Variants in ARHGEF19 observed in about 807,000 individuals in gnomAD.
ARHGEF19 encodes Rho guanine nucleotide exchange factor (GEF) 19.
ARHGEF19 carries 92 observed loss-of-function variants against 87.6 expected under a neutral mutation model. The ratio of observed to expected loss-of-function variants is 1.05; its 90% CI spans 0.89 to 1.25. ARHGEF19 has a LOEUF of 1.25. ARHGEF19 is among the 50% of genes most tolerant of loss of function. The probability of loss-of-function intolerance (pLI) is 0.00; values close to 1 mark genes in which losing one functional copy is unlikely to be tolerated. For synonymous variants in ARHGEF19, 438 were observed against 446.2 expected, an observed-to-expected ratio of 0.98 and a Z score of 0.23; for missense variants, 1,054 against 1,051.8, an observed-to-expected ratio of 1.00 and a Z score of -0.03.
At chr1:16,209,188 A>C (rs1216960693) in intron 1 of ARHGEF19, 105 bp from the exon 2 acceptor site, 1 of 732,946 alleles carries the variant, frequency 1.4e-6, no homozygotes, top group African/African-American at 1.8e-5. Context: ...TTGTGTACAC[A>C]CATCTCCACA....
chr1:16,208,237 G>GC lies in ARHGEF19; in HGVS notation c.413-13_413-12insG. The GC allele has an allele frequency of 6.2e-7, 1 of 1,608,464 alleles. No individual in the cohort carries two copies. Among genetic ancestry groups the GC allele is most frequent in the Non-Finnish European group, 8.5e-7 (1 of 1,176,698 alleles). On this transcript the variant is annotated splice_polypyrimidine_tract_variant and intron_variant, in intron 2 of 15. Transcript: ENST00000270747. ...CCGCATCTTGCGCCCTAGGGTTGGG[G>GC]GCAAGGAGTGAGAGCACGGGCTGGG...
In ARHGEF19 at chr1:16,208,840, G is replaced by C. The variant is rs543718685; in HGVS notation, c.215C>G (p.Pro72Arg). The change falls in exon 2 of 16, where the codon CCT (proline) becomes CGT (arginine). Residue 72 changes from proline to arginine, a missense_variant. Coordinates refer to ENST00000270747, the MANE Select transcript of ARHGEF19 (RefSeq NM_153213.5). ...GSRWSLGTPA[P>R]LQGLLWPLSP... ...TAATGGCCATAGCAACCCTTGGAGAGGGGCAGGGGTCCCCAGGGACCAGCG... is the reference window on the plus strand; with the variant it reads ...TAATGGCCATAGCAACCCTTGGAGACGGGCAGGGGTCCCCAGGGACCAGCG... The C allele has an allele frequency of 6.2e-6, 10 of 1,610,928 alleles. No individual in the cohort carries two copies. In the South Asian group the frequency reaches 1.1e-4, roughly 18 times the overall value.
In ARHGEF19 at chr1:16,207,084, T is replaced by C. The variant is rs1161329158; in HGVS notation, c.1001A>G (p.Asn334Ser). The part of the protein sequence containing the change: ...AEEGPGPPRA[N>S]LSPSSSFRAQ... Reference sequence around the variant, plus strand: ...CCGGAAGGAGCTGCTGGGGGAGAGGTTGGCCCGCGGCGGCCCCGGCCCCTC... The same window carrying C: ...CCGGAAGGAGCTGCTGGGGGAGAGGCTGGCCCGCGGCGGCCCCGGCCCCTC... Residue 334 changes from asparagine to serine, a missense_variant, in exon 6 of 16, where the codon AAC (asparagine) becomes AGC (serine). Physicochemically the swap from Asn to Ser is conservative, Grantham distance 46 (BLOSUM62 1). Transcript: ENST00000270747. The surrounding 1 kb of genome is among the most constrained non-coding windows in gnomAD (Gnocchi z 4.0). The C allele has an allele frequency of 6.6e-7, 1 of 1,506,660 alleles. No individual in the cohort carries two copies. 93.3% of individuals were successfully genotyped at this position (1,506,660 alleles called of 1,614,324 possible).
At chr1:16,209,677 T>C (rs2100293908) in intron 1 of ARHGEF19, among the ~76,000 whole-genome samples, 1 of 152,204 alleles carries the variant, frequency 6.6e-6, no homozygotes, top group South Asian at 2.1e-4. Context: ...CGCTGACCCG[T>C]CCGATATTTA....
chr1:16,212,090 A>T (rs2081202988), intron 1 of ARHGEF19, among the ~76,000 whole-genome samples: 1 of 152,216 alleles, frequency 6.6e-6, no homozygotes, highest in Non-Finnish European at 1.5e-5. Flanking sequence ...TCTCTGGGCC[A>T]AGAAGGATGG....
Position 16,206,892 on chromosome 1 carries a change from C to T in ARHGEF19, c.1137+56G>A. The T allele has an allele frequency of 2.1e-6, 3 of 1,407,298 alleles. No individual in the cohort carries two copies. The highest frequency in any genetic ancestry group is 1.5e-5 in the South Asian group (1 of 65,096). The allele number at this position is 1,407,298 out of a possible 1,614,324, so 87.2% of individuals were successfully genotyped here. On this transcript the variant is annotated intron_variant, in intron 6 of 15. Transcript: ENST00000270747. The surrounding 1 kb of genome is among the most constrained non-coding windows in gnomAD (Gnocchi z 4.6). ...TATGGCCCGGTTCCCGCTAAGTCCC[C>T]GGACCGCGTACTCCCCGGCCCGCCC...
Position 16,198,770 on chromosome 1 carries a change from C to T in ARHGEF19, c.2252-26G>A. The T allele has an allele frequency of 6.3e-7, 1 of 1,577,122 alleles. No homozygotes were observed. On this transcript the variant is annotated intron_variant, in intron 15 of 15. Coordinates refer to ENST00000270747, the MANE Select transcript of ARHGEF19 (RefSeq NM_153213.5). This position sits in a 1 kb window ranked among gnomAD's most constrained non-coding sequence, Gnocchi z 4.1. ...CTAGGGACACATAGGCCAAGAACAA[C>T]AGCATCAAAGGGGTACCAGGGCCAG... is the stretch of plus-strand genomic sequence containing the variant.
chr1:16,210,514 C>T (rs1470154739), intron 1 of ARHGEF19, among the ~76,000 whole-genome samples: 1 of 152,182 alleles, frequency 6.6e-6, no homozygotes, highest in Admixed American at 6.5e-5. Flanking sequence ...ACAGAAAAAC[C>T]ACAGATGCTG....
In ARHGEF19 at chr1:16,207,762, A is replaced by G; in HGVS notation, c.710T>C (p.Met237Thr). ...GAAREGKASGMEARSVEMSGD... is the reference protein window; with the variant it reads ...GAAREGKASGTEARSVEMSGD... ...GCTCATCTCTACACTTCGAGCCTCC[A>G]TTCCAGATGCTTTCCCTGGAGAGGG... The change falls in exon 4 of 16, where the codon ATG becomes ACG. Residue 237 changes from methionine to threonine, a missense_variant. Physicochemically the swap from Met to Thr is moderately conservative, Grantham distance 81. Coordinates refer to ENST00000270747, the MANE Select transcript of ARHGEF19 (RefSeq NM_153213.5). The surrounding 1 kb of genome is among the most constrained non-coding windows in gnomAD (Gnocchi z 4.0). 1 of 1,613,914 alleles carries G rather than the reference A, an allele frequency of 6.2e-7. No homozygotes were observed. The highest frequency in any genetic ancestry group is 8.5e-7 in the Non-Finnish European group (1 of 1,180,012).
chr1:16,206,820 G>T lies in ARHGEF19; in HGVS notation c.1137+128C>A. On this transcript the variant is annotated intron_variant, in intron 6 of 15. Coordinates refer to ENST00000270747, the MANE Select transcript of ARHGEF19 (RefSeq NM_153213.5). The surrounding 1 kb of genome is among the most constrained non-coding windows in gnomAD (Gnocchi z 4.6). Reference sequence around the variant, plus strand: ...AGTCAGGTCCTAGAGCCAACCTTCCGCGCGGACAGTCGCGCCAGCAACCCC... The same window carrying T: ...AGTCAGGTCCTAGAGCCAACCTTCCTCGCGGACAGTCGCGCCAGCAACCCC... 2.5e-6 allele frequency: 3 copies of T among 1,217,392 alleles called. No individual in the cohort carries two copies. Among genetic ancestry groups the T allele is most frequent in the Non-Finnish European group, 3.2e-6 (3 of 930,352 alleles). 75.4% of individuals were successfully genotyped at this position (1,217,392 alleles called of 1,614,324 possible).
At position 16,206,354 on chromosome 1, in the gene ARHGEF19, C is replaced by T; in HGVS notation, c.1138-14G>A. 1 of 1,570,024 alleles carries T rather than the reference C, an allele frequency of 6.4e-7. No individual in the cohort carries two copies. The highest frequency in any genetic ancestry group is 1.3e-5 in the African/African-American group (1 of 74,524). On this transcript the variant is annotated splice_polypyrimidine_tract_variant and intron_variant, in intron 6 of 15. Coordinates refer to ENST00000270747, the MANE Select transcript of ARHGEF19 (RefSeq NM_153213.5). This position sits in a 1 kb window ranked among gnomAD's most constrained non-coding sequence, Gnocchi z 4.6. Reference sequence around the variant, plus strand: ...CTCAAACTTGGCCTGAGGGAGGGCACACACGGGGTCGAAAGGGCAGGACCA... The same window carrying T: ...CTCAAACTTGGCCTGAGGGAGGGCATACACGGGGTCGAAAGGGCAGGACCA...
Position 16,201,865 on chromosome 1 carries a change from G to A in ARHGEF19, c.2067-4C>T, listed in dbSNP as rs758908164. On this transcript the variant is annotated splice_region_variant and splice_polypyrimidine_tract_variant and intron_variant, in intron 13 of 15. Transcript: ENST00000270747. ...GATCCATCGCTGCTTCTCACTTCTA[G>A]GGAAGGGGGAGGCTAAGTTGTCACA... 8.1e-5 allele frequency: 131 copies of A among 1,613,356 alleles called. No individual in the cohort carries two copies. The highest frequency in any genetic ancestry group is 1.1e-4 in the Non-Finnish European group (124 of 1,179,730).
intron 12 of ARHGEF19, among the ~76,000 whole-genome samples, chr1:16,203,225 C>T (rs550568432): frequency 7.8e-6 from 1 of 129,014 alleles, no homozygotes; most frequent in Non-Finnish European, 1.9e-5. Flanking sequence ...CAACAAAACT[C>T]GGCATCAGAA....
rs148910864 is a variant in ARHGEF19, at chr1:16,209,637, C to T, written c.-29-554G>A. On this transcript the variant is annotated intron_variant, in intron 1 of 15. Transcript: ENST00000270747. Reference sequence around the variant, plus strand: ...AGACACACACATTTTTACACAACCGCATACATTCACAGACAACTCCTCACA... The same window carrying T: ...AGACACACACATTTTTACACAACCGTATACATTCACAGACAACTCCTCACA... Among the ~76,000 whole-genome samples, 648 of 152,316 alleles carry T rather than the reference C, an allele frequency of 4.3e-3. 6 individuals carry two copies. Among genetic ancestry groups the T allele is most frequent in the Non-Finnish European group, 5.2e-3 (354 of 68,032 alleles).
Position 16,206,807 on chromosome 1 carries a change from G to C in ARHGEF19, c.1137+141C>G, listed in dbSNP as rs34303003. 5 of 1,138,634 alleles carry C rather than the reference G, an allele frequency of 4.4e-6. No homozygotes were observed. The East Asian group carries it at 9.2e-5, about 21-fold the overall frequency. The allele number at this position is 1,138,634 out of a possible 1,614,324, so 70.5% of individuals were successfully genotyped here. ...GACGGCCTCGTGTAGTCAGGTCCTA[G>C]AGCCAACCTTCCGCGCGGACAGTCG... On this transcript the variant is annotated intron_variant, in intron 6 of 15. Coordinates refer to ENST00000270747, the MANE Select transcript of ARHGEF19 (RefSeq NM_153213.5). This position sits in a 1 kb window ranked among gnomAD's most constrained non-coding sequence, Gnocchi z 4.6.
In ARHGEF19 at chr1:16,208,226, C is replaced by T; in HGVS notation, c.413-1G>A. 6.2e-7 allele frequency: 1 copy of T among 1,611,392 alleles called. No homozygotes were observed. Among genetic ancestry groups the T allele is most frequent in the Non-Finnish European group, 8.5e-7 (1 of 1,178,444 alleles). Reference sequence around the variant, plus strand: ...CGCTGGTACACCCGCATCTTGCGCCCTAGGGTTGGGGGCAAGGAGTGAGAG... The same window carrying T: ...CGCTGGTACACCCGCATCTTGCGCCTTAGGGTTGGGGGCAAGGAGTGAGAG... On this transcript the variant is annotated splice_acceptor_variant, in intron 2 of 15. Transcript: ENST00000270747. LOFTEE classifies it high-confidence loss of function.
chr1:16,206,005 G>T lies in ARHGEF19; in HGVS notation c.1377C>A (p.Cys459Ter), dbSNP rs1312670962. The part of the protein sequence containing the change: ...FSVCDVVLDH[C>*]PAFRRVYLPY... ...GCAGGTAGACTCTGCGGAAGGCCGGGCAGTGGTCCAGCACCACGTCGCACA... is the reference window on the plus strand; with the variant it reads ...GCAGGTAGACTCTGCGGAAGGCCGGTCAGTGGTCCAGCACCACGTCGCACA... Residue 459 changes from cysteine (C) to a stop codon, truncating the protein, a stop_gained, in exon 8 of 16, where the codon TGC becomes TGA. Transcript: ENST00000270747. LOFTEE classifies it high-confidence loss of function. The surrounding 1 kb of genome is among the most constrained non-coding windows in gnomAD (Gnocchi z 4.6). 6.2e-7 allele frequency: 1 copy of T among 1,607,540 alleles called. No individual in the cohort carries two copies. Among genetic ancestry groups the T allele is most frequent in the Admixed American group, 1.7e-5 (1 of 58,844 alleles).
intron 2 of ARHGEF19, 90 bp from the exon 3 acceptor site, chr1:16,208,315 G>A (rs985288908): frequency 1.4e-5 from 21 of 1,449,822 alleles, no homozygotes; most frequent in Non-Finnish European, 1.9e-5. Flanking sequence ...CACCTGGGGA[G>A]GTTCAGGCAC....
Position 16,198,748 on chromosome 1 carries a change from G to A in ARHGEF19, c.2252-4C>T. 1 of 1,596,986 alleles carries A rather than the reference G, an allele frequency of 6.3e-7. No individual in the cohort carries two copies. The highest frequency in any genetic ancestry group is 8.5e-7 in the Non-Finnish European group (1 of 1,170,212). ...AGGCGGACCCCTTCCAGCCAGCCTA[G>A]GGACACATAGGCCAAGAACAACAGC... On this transcript the variant is annotated splice_region_variant and splice_polypyrimidine_tract_variant and intron_variant, in intron 15 of 15. Transcript: ENST00000270747. This position sits in a 1 kb window ranked among gnomAD's most constrained non-coding sequence, Gnocchi z 4.1.
Sources: allele counts gnomAD v4.1 joint callset (sites outside exome capture counted in the v4.1 genomes callset), GRCh38; gene constraint gnomAD v4.1.1; non-coding constraint Gnocchi (gnomAD v3.1); transcripts MANE v1.5; gene names NCBI Gene and HGNC (gene_info 2026-07-23, HGNC 2026-07-21).